The following PUS7 variants were observed in gnomAD, a reference collection of about 807,000 sequenced individuals.
PUS7 encodes pseudouridine synthase 7.
PUS7 carries 48 observed loss-of-function variants against 79.8 expected under a neutral mutation model. The observed-to-expected ratio is 0.60, with a 90% CI of 0.48 to 0.76. The LOEUF is 0.76. Among genes scored for constraint, PUS7 ranks in the 30% least tolerant of loss-of-function variants. PUS7 has a pLI of 0.00. For missense variants in PUS7, 729 were observed against 797.6 expected (o/e 0.91, Z 1.04); for synonymous variants, 286 against 272.2 (o/e 1.05, Z -0.50).
At chr7:105,505,871 T>A (rs1479885261) in intron 4 of PUS7, 84 bp downstream of exon 4, 1 of 1,098,034 alleles carries the variant, frequency 9.1e-7, no homozygotes, top group African/African-American at 1.6e-5. Flanking sequence ...TTAACCATTG[T>A]AATTTTTTCC....
chr7:105,468,582 A>G, intron 11 of PUS7, 119 bp from the exon 12 acceptor site: 1 of 836,008 alleles, frequency 1.2e-6, no homozygotes, highest in South Asian at 1.9e-5. Flanking sequence ...CAGTGGCACG[A>G]TCTAGGCTCA....
rs374696285 is a variant in PUS7, at chr7:105,481,109, T to G, written c.1118A>C (p.Asn373Thr). ...MNSLKEIGFI[N>T]YYGMQRFGTT... ...TCCAAATCTTTGCATTCCATAGTAG[T>G]TAATAAATCCAATCTCCTTGAGAGA... Residue 373 changes from asparagine (N) to threonine (T), a missense_variant, in exon 9 of 16, where the codon AAC becomes ACC. Physicochemically the swap from Asn to Thr is moderately conservative, Grantham distance 65 (BLOSUM62 0). Coordinates refer to ENST00000469408, the MANE Select transcript of PUS7 (RefSeq NM_019042.5). The G allele has an allele frequency of 6.2e-7, 1 of 1,612,976 alleles. No homozygotes were observed. The highest frequency in any genetic ancestry group is 1.3e-5 in the African/African-American group (1 of 75,042).
chr7:105,470,694 A>G lies in PUS7; in HGVS notation c.1392T>C (p.Phe464=), dbSNP rs766008892. 1.3e-6 allele frequency: 2 copies of G among 1,591,048 alleles called. No homozygotes were observed. The highest frequency in any genetic ancestry group is 3.4e-5 in the Admixed American group (2 of 58,096). The change falls in exon 11 of 16, where the codon TTT becomes TTC. Residue 464 remains phenylalanine (F), a synonymous_variant. Transcript: ENST00000469408. ...CTTCACAAATTGCACTCACTATGCC[A>G]AATGCAGAGACTATATTCTTCATTC... is the stretch of plus-strand genomic sequence containing the variant. ...KYGMKNIVSA[F]GIIPRNNRLM... is the part of the protein sequence containing the mutation.
chr7:105,469,965 G>A (rs1398856767), intron 11 of PUS7, among the ~76,000 whole-genome samples: 2 of 152,208 alleles, frequency 1.3e-5, no homozygotes, highest in African/African-American at 2.4e-5. Flanking sequence ...CATGTGGCCC[G>A]CAGGCTGCAG....
At chr7:105,457,991 C>A in intron 15 of PUS7, 65 bp from the exon 16 acceptor site, 2 of 1,560,644 alleles carry the variant, frequency 1.3e-6, no homozygotes, top group Non-Finnish European at 1.7e-6. Flanking sequence ...GCGAGAGTCA[C>A]ATAATCTCTA....
chr7:105,505,521 A>T (rs1194435348), intron 4 of PUS7, among the ~76,000 whole-genome samples: 1 of 152,182 alleles, frequency 6.6e-6, no homozygotes, highest in African/African-American at 2.4e-5. Flanking sequence ...TGGTCCTGTT[A>T]CAACGGACAT....
intron 4 of PUS7, among the ~76,000 whole-genome samples, chr7:105,504,964 A>G (rs1262002559): frequency 6.6e-6 from 1 of 152,054 alleles, no homozygotes; most frequent in Non-Finnish European, 1.5e-5. Context: ...CGAAAACCCC[A>G]TAGCTCATTA....
intron 1 of PUS7, among the ~76,000 whole-genome samples, chr7:105,516,839 T>G (rs985291944): frequency 1.3e-5 from 2 of 151,994 alleles, no homozygotes; most frequent in African/African-American, 4.8e-5. Flanking sequence ...AGAATTAAAT[T>G]GCAAAGAGAA....
chr7:105,495,005 G>C, intron 6 of PUS7, 137 bp downstream of exon 6: 1 of 382,168 alleles, frequency 2.6e-6, no homozygotes, highest in Non-Finnish European at 4.8e-6. Flanking sequence ...AAGAAAGAAA[G>C]AAAGAAAACT....
At chr7:105,498,535 C>G (rs1825124758) in intron 5 of PUS7, among the ~76,000 whole-genome samples, 1 of 152,162 alleles carries the variant, frequency 6.6e-6, no homozygotes, top group African/African-American at 2.4e-5. Flanking sequence ...AAACCAAGTT[C>G]AGGAAGTTTG....
chr7:105,458,077 T>G lies in PUS7; in HGVS notation c.1850-151A>C, dbSNP rs187605866. ...GCCTTGGAGAATGAGACCATGGAAG[T>G]AAGAGATCTGTGAGTGTGAACCTGC... On this transcript the variant is annotated intron_variant, in intron 15 of 15. Coordinates refer to ENST00000469408, the MANE Select transcript of PUS7 (RefSeq NM_019042.5). The G allele has an allele frequency of 5.1e-5, 43 of 844,226 alleles. No individual in the cohort carries two copies. In the African/African-American group the frequency reaches 7.4e-4, roughly 15 times the overall value. 52.3% of individuals were successfully genotyped at this position (844,226 alleles called of 1,614,324 possible). A position where few individuals can be genotyped will look rare whatever the true frequency, so the allele number is the denominator to read the frequency against.
chr7:105,507,017 T>C (rs1235105596), intron 2 of PUS7, among the ~76,000 whole-genome samples: 1 of 152,146 alleles, frequency 6.6e-6, no homozygotes, highest in Non-Finnish European at 1.5e-5. Context: ...CCCAATGTGG[T>C]AATATGATCC....
At chr7:105,493,592 T>C (rs912333820) in intron 6 of PUS7, among the ~76,000 whole-genome samples, 2 of 152,292 alleles carry the variant, frequency 1.3e-5, no homozygotes, top group Admixed American at 1.3e-4. Flanking sequence ...AATGTGACTG[T>C]ATTTGGAGAT....
At chr7:105,463,692 C>T (rs562683068) in intron 13 of PUS7, among the ~76,000 whole-genome samples, 24 of 151,656 alleles carry the variant, frequency 1.6e-4, no homozygotes, top group African/African-American at 5.6e-4. Flanking sequence ...TGCAAACTTG[C>T]CCCTCTATTA....
intron 2 of PUS7, 33 bp from the exon 3 acceptor site, chr7:105,506,306 T>G: frequency 7.2e-7 from 1 of 1,396,678 alleles, no homozygotes; most frequent in Non-Finnish European, 1.0e-6. Context: ...TTCAGATAAT[T>G]AACATCCTGT....
At chr7:105,462,824 AGTAACAAT>A in intron 13 of PUS7, 74 bp from the exon 14 acceptor site, 1 of 1,400,736 alleles carries the variant, frequency 7.1e-7, no homozygotes, top group Non-Finnish European at 9.8e-7. Flanking sequence ...TTATAAAGAG[AGTAACAAT>A]GTAAGTTCAG....
chr7:105,515,210 A>T (rs887482832), intron 1 of PUS7, among the ~76,000 whole-genome samples: 1 of 152,142 alleles, frequency 6.6e-6, no homozygotes, highest in African/African-American at 2.4e-5. Flanking sequence ...ACCTTCCCCA[A>T]TGTACTCTCC....
rs544131413 is a variant in PUS7 at position 105,481,178 on chromosome 7, C to T, written c.1050-1G>A. The T allele has an allele frequency of 6.2e-7, 1 of 1,604,274 alleles. No homozygotes were observed. The highest frequency in any genetic ancestry group is 1.1e-5 in the South Asian group (1 of 88,554). On this transcript the variant is annotated splice_acceptor_variant, in intron 8 of 15. Transcript: ENST00000469408. LOFTEE classifies it high-confidence loss of function. ...TTGGTCATCAGTTCCTGTTATATTT[C>T]TACAGGGACACAAATTATCCAGAGG...
chr7:105,517,607 G>A (rs1475881235), intron 1 of PUS7, among the ~76,000 whole-genome samples: 1 of 152,142 alleles, frequency 6.6e-6, no homozygotes, highest in Admixed American at 6.5e-5. Context: ...CACCAACTAA[G>A]CTTTAAGAAG....
Sources: gnomAD v4.1 joint callset for allele counts (sites outside exome capture counted in the v4.1 genomes callset) on GRCh38, gnomAD v4.1.1 for gene constraint, MANE v1.5 for transcripts, NCBI Gene and HGNC (gene_info 2026-07-23, HGNC 2026-07-21) for gene names.